ISM2: variants seen among roughly 807,000 people sequenced by gnomAD.
ISM2 encodes isthmin-2.
A neutral mutation model predicts 58.0 loss-of-function variants in ISM2; 50 were observed. The observed-to-expected ratio is 0.86, with a 90% CI of 0.69 to 1.09. The LOEUF (loss-of-function observed/expected upper bound fraction) is 1.09. Among genes scored for constraint, ISM2 ranks in the 50% least tolerant of loss-of-function variants. ISM2 has a pLI of 0.00. For missense variants in ISM2, 723 were observed against 745.0 expected, an observed-to-expected ratio of 0.97 and a Z score of 0.34; for synonymous variants, 303 against 312.4, an observed-to-expected ratio of 0.97 and a Z score of 0.32.
chr14:77,496,804 A>G (rs1363073919), intron 1 of ISM2, among the ~76,000 whole-genome samples: 17 of 72,880 alleles, frequency 2.3e-4, no homozygotes, highest in South Asian at 8.0e-4. Flanking sequence ...CTCAGGAAAA[A>G]AAAAAAAAAA....
chr14:77,488,149 T>G (rs2079179633), intron 1 of ISM2, among the ~76,000 whole-genome samples: 1 of 152,240 alleles, frequency 6.6e-6, no homozygotes, highest in African/African-American at 2.4e-5. Flanking sequence ...GAATTGTGTC[T>G]GCTTTGTTCA....
intron 1 of ISM2, among the ~76,000 whole-genome samples, chr14:77,485,976 C>T (rs1271844502): frequency 6.6e-6 from 1 of 152,240 alleles, no homozygotes; most frequent in Non-Finnish European, 1.5e-5. Context: ...TTTTATTTAT[C>T]AAACATTTCC....
At position 77,484,799 on chromosome 14, in the gene ISM2, C is replaced by G. The variant is rs530351033; in HGVS notation, c.262G>C (p.Ala88Pro). The change falls in exon 2 of 7, where the codon GCC (alanine) becomes CCC (proline). Residue 88 changes from alanine to proline, a missense_variant. Coordinates refer to ENST00000342219, the MANE Select transcript of ISM2 (RefSeq NM_199296.3). ...GGGGTGGCGTTGCCTGGGGTCATGG[C>G]TGCTGGCTCAGTGACAGTCCAGCAT... ...HGCWTVTEPA[A>P]MTPGNATPPR... 2 of 1,611,626 alleles carry G rather than the reference C, an allele frequency of 1.2e-6. No homozygotes were observed. The highest frequency in any genetic ancestry group is 1.7e-5 in the Admixed American group (1 of 59,648).
intron 4 of ISM2, among the ~76,000 whole-genome samples, chr14:77,481,014 A>C (rs1037227610): frequency 4.6e-5 from 7 of 152,144 alleles, no homozygotes; most frequent in Admixed American, 4.6e-4. Flanking sequence ...CTGCACCCAG[A>C]GGAAACCTGA....
intron 1 of ISM2, among the ~76,000 whole-genome samples, chr14:77,485,414 C>T (rs1366857376): frequency 1.3e-5 from 2 of 152,264 alleles, no homozygotes; most frequent in Non-Finnish European, 1.5e-5. Context: ...CCCACCCAGG[C>T]CATCCACATG....
chr14:77,492,130 G>A (rs1013963698), intron 1 of ISM2, among the ~76,000 whole-genome samples: 2 of 151,960 alleles, frequency 1.3e-5, no homozygotes, highest in African/African-American at 4.8e-5. Context: ...CCAAAGTGCT[G>A]GAATTACAGG....
intron 3 of ISM2, among the ~76,000 whole-genome samples, chr14:77,483,402 A>G (rs772693846): frequency 6.6e-5 from 10 of 152,136 alleles, no homozygotes; most frequent in Non-Finnish European, 1.5e-5. Context: ...TACTAAAAAT[A>G]CAAAAATTAG....
chr14:77,496,994 T>C (rs1444660480), intron 1 of ISM2, among the ~76,000 whole-genome samples: 1 of 151,846 alleles, frequency 6.6e-6, no homozygotes, highest in South Asian at 2.1e-4. Flanking sequence ...GGACAAGTTC[T>C]GGCTCTCACT....
At chr14:77,478,831 C>T in intron 4 of ISM2, 116 bp from the exon 5 acceptor site, 4 of 1,066,756 alleles carry the variant, frequency 3.7e-6, no homozygotes, top group Non-Finnish European at 5.5e-6. Context: ...GGGCTTCCAG[C>T]CTCATGAATG....
intron 1 of ISM2, 170 bp downstream of exon 1, chr14:77,498,483 C>T: frequency 1.7e-6 from 2 of 1,204,682 alleles, no homozygotes; most frequent in Non-Finnish European, 2.3e-6. Context: ...GTCCGGCGCA[C>T]CTGGGCAACG....
chr14:77,486,136 T>C (rs2079166247), intron 1 of ISM2, among the ~76,000 whole-genome samples: 1 of 152,210 alleles, frequency 6.6e-6, no homozygotes, highest in African/African-American at 2.4e-5. Flanking sequence ...CACAGACATT[T>C]AGCGATAAAG....
intron 1 of ISM2, 80 bp from the exon 2 acceptor site, chr14:77,484,999 C>G: frequency 6.9e-7 from 1 of 1,457,048 alleles, no homozygotes. Context: ...CCAGGCAGAT[C>G]CAGGAGCCCT....
rs368445920 is a variant in ISM2 at position 77,475,880 on chromosome 14, A to T, written c.1431T>A (p.Arg477=). Residue 477 remains arginine (R), a synonymous_variant, in exon 7 of 7, where the codon CGT becomes CGA. Transcript: ENST00000342219. This position sits in a 1 kb window ranked among gnomAD's most constrained non-coding sequence, Gnocchi z 4.1. ...IYQPTARFCL[R]SMLSGESSTL... ...TGCTGCTCTCCCCAGACAGCATGGA[A>T]CGCAGGCAGAAGCGCGCCGTGGGCT... 1.2e-5 allele frequency: 20 copies of T among 1,606,270 alleles called. No individual in the cohort carries two copies. Among genetic ancestry groups the T allele is most frequent in the East Asian group, 8.9e-5 (4 of 44,882 alleles).
chr14:77,484,400 TA>T lies in ISM2; in HGVS notation c.549del (p.Thr184LeufsTer18). The T allele has an allele frequency of 4.3e-6, 7 of 1,611,006 alleles. No homozygotes were observed. Among genetic ancestry groups the T allele is most frequent in the Non-Finnish European group, 5.9e-6 (7 of 1,179,218 alleles). On this transcript the variant is annotated frameshift_variant, in exon 3 of 7. Coordinates refer to ENST00000342219, the MANE Select transcript of ISM2 (RefSeq NM_199296.3). LOFTEE classifies it high-confidence loss of function. ...TTCTGCAGCTCCAGCAGCAAGGGAGTAACCTCCTGGGTCCTGGGAGGCGTGG... is the reference window on the plus strand; with the variant it reads ...TTCTGCAGCTCCAGCAGCAAGGGAGTACCTCCTGGGTCCTGGGAGGCGTGG... ...GNATPPRTQE[V>X]TPLLLELQKL...
At chr14:77,482,249 C>T in intron 4 of ISM2, 73 bp downstream of exon 4, 2 of 1,192,792 alleles carry the variant, frequency 1.7e-6, no homozygotes, top group Non-Finnish European at 2.4e-6. Flanking sequence ...AGCCTCCACC[C>T]TCTCCCTCAC....
At chr14:77,489,068 G>A (rs1418520546) in intron 1 of ISM2, among the ~76,000 whole-genome samples, 3 of 152,012 alleles carry the variant, frequency 2.0e-5, no homozygotes, top group Non-Finnish European at 4.4e-5. Context: ...TACCTTCCCA[G>A]GCTTGGCCGG....
intron 4 of ISM2, among the ~76,000 whole-genome samples, chr14:77,480,300 C>CT (rs1456534286): frequency 7.7e-6 from 1 of 129,902 alleles, no homozygotes; most frequent in African/African-American, 2.8e-5. Flanking sequence ...GAGACACTGT[C>CT]TCAAAAAAAA....
chr14:77,496,649 T>C (rs2079242849), intron 1 of ISM2, among the ~76,000 whole-genome samples: 1 of 149,426 alleles, frequency 6.7e-6, no homozygotes, highest in Non-Finnish European at 1.5e-5. Flanking sequence ...ATACAAAAAT[T>C]AGCCGGGCGT....
intron 1 of ISM2, among the ~76,000 whole-genome samples, chr14:77,488,388 C>T (rs184367906): frequency 4.6e-5 from 7 of 151,896 alleles, no homozygotes; most frequent in African/African-American, 1.7e-4. Context: ...AACACCTGCG[C>T]ACTGGTGCAC....
Sources: allele counts gnomAD v4.1 joint callset (sites outside exome capture counted in the v4.1 genomes callset), GRCh38; gene constraint gnomAD v4.1.1; non-coding constraint Gnocchi (gnomAD v3.1); transcripts MANE v1.5; gene names NCBI Gene and HGNC (gene_info 2026-07-23, HGNC 2026-07-21).